The following GRM4 variants were observed in gnomAD, a reference collection of about 807,000 sequenced individuals.
GRM4 encodes glutamate metabotropic receptor 4, also known as metabotropic glutamate receptor 4.
Under a neutral mutation model 81.7 loss-of-function variants are expected in GRM4, and 28 were observed. The ratio of observed to expected loss-of-function variants is 0.34; its 90% CI spans 0.25 to 0.47. The LOEUF is 0.47. GRM4 is among the 20% of genes least tolerant of loss of function. GRM4 has a pLI of 1.00. For synonymous variants in GRM4, 488 were observed against 528.8 expected (o/e 0.92, Z 1.06); for missense variants, 948 against 1,290.0 (o/e 0.73, Z 4.06).
rs138584065 is a variant in GRM4, at chr6:34,092,488, T to C, written c.520-389A>G. On this transcript the variant is annotated intron_variant, in intron 2 of 10. Coordinates refer to ENST00000538487, the MANE Select transcript of GRM4 (RefSeq NM_000841.4). This position sits in a 1 kb window ranked among gnomAD's most constrained non-coding sequence, Gnocchi z 6.8. ...TGTTGGGAGGGGCCCTGAGGGGTCA[T>C]GTGGCCCATCCCATGTCCCCAGGCA... Among the ~76,000 whole-genome samples, 1,265 of 152,184 alleles carry C rather than the reference T, an allele frequency of 8.3e-3. 21 individuals carry two copies. Among genetic ancestry groups the C allele is most frequent in the African/African-American group, 0.029 (1,199 of 41,486 alleles).
At chr6:34,145,235 C>A (rs1449316247) in intron 1 of GRM4, among the ~76,000 whole-genome samples, 1 of 151,538 alleles carries the variant, frequency 6.6e-6, no homozygotes, top group Non-Finnish European at 1.5e-5. Flanking sequence ...GCGGACCCAG[C>A]GCGCCGCGGA....
intron 2 of GRM4, among the ~76,000 whole-genome samples, chr6:34,129,045 C>T (rs1037055136): frequency 1.3e-5 from 2 of 150,746 alleles, no homozygotes; most frequent in Admixed American, 6.6e-5. Flanking sequence ...GATGGAGTCT[C>T]ACTCTGTCAC....
chr6:34,125,426 C>T (rs946435787), intron 2 of GRM4, among the ~76,000 whole-genome samples: 1 of 152,172 alleles, frequency 6.6e-6, no homozygotes, highest in South Asian at 2.1e-4. Flanking sequence ...GGACTCGAGG[C>T]ATCTGGGTCA....
In GRM4 at chr6:34,028,006, C is replaced by G; in HGVS notation, c.2689+114G>C. The G allele has an allele frequency of 2.4e-6, 3 of 1,236,092 alleles. No homozygotes were observed. The South Asian group carries it at 4.5e-5, about 19-fold the overall frequency. The allele number at this position is 1,236,092 out of a possible 1,614,324, so 76.6% of individuals were successfully genotyped here. A position where few individuals can be genotyped will look rare whatever the true frequency, so the allele number is the denominator to read the frequency against. ...TCCCCCAGTGTCCCCCGCCGCCTCCCCAGGATGGGGCATCGGGGCAGGGCG... is the reference window on the plus strand; with the variant it reads ...TCCCCCAGTGTCCCCCGCCGCCTCCGCAGGATGGGGCATCGGGGCAGGGCG... On this transcript the variant is annotated intron_variant, in intron 10 of 10. Coordinates refer to ENST00000538487, the MANE Select transcript of GRM4 (RefSeq NM_000841.4).
At chr6:34,104,113 C>T (rs1768997804) in intron 2 of GRM4, among the ~76,000 whole-genome samples, 1 of 152,262 alleles carries the variant, frequency 6.6e-6, no homozygotes, top group African/African-American at 2.4e-5. Context: ...AGCCAGGCTT[C>T]CTCTGTGCCA....
At chr6:34,110,925 A>C in intron 2 of GRM4, 2 of 1,073,164 alleles carry the variant, frequency 1.9e-6, no homozygotes, top group Non-Finnish European at 1.2e-6. Flanking sequence ...AAGAGCCCAC[A>C]AGGAACAGCC....
intron 2 of GRM4, chr6:34,103,786 T>C (rs1428464190): frequency 1.4e-6 from 2 of 1,448,326 alleles, no homozygotes; most frequent in East Asian, 5.0e-5. Context: ...GTCACCTCCT[T>C]TGTGAGCCTC....
rs749723451 is a variant in GRM4 at position 34,091,867 on chromosome 6, C to T, written c.736+16G>A. 1.3e-6 allele frequency: 2 copies of T among 1,584,232 alleles called. No homozygotes were observed. The highest frequency in any genetic ancestry group is 1.7e-6 in the Non-Finnish European group (2 of 1,155,370). On this transcript the variant is annotated intron_variant, in intron 3 of 10. Coordinates refer to ENST00000538487, the MANE Select transcript of GRM4 (RefSeq NM_000841.4). Reference sequence around the variant, plus strand: ...CCCGAGCCTGGCATGACTCTGCGGCCAGGCGTTTGACTCACCGTCCTCACG... The same window carrying T: ...CCCGAGCCTGGCATGACTCTGCGGCTAGGCGTTTGACTCACCGTCCTCACG...
At position 34,059,045 on chromosome 6, in the gene GRM4, G is replaced by A; in HGVS notation, c.956C>T (p.Ala319Val). 1 of 1,613,750 alleles carries A rather than the reference G, an allele frequency of 6.2e-7. No individual in the cohort carries two copies. The highest frequency in any genetic ancestry group is 1.1e-5 in the South Asian group (1 of 91,054). Reference sequence around the variant, plus strand: ...CACCTCCTCCAGGTGCAGCACAGGTGCAATCTTGGAGCCCCAGCTGTCAGA... The same window carrying A: ...CACCTCCTCCAGGTGCAGCACAGGTACAATCTTGGAGCCCCAGCTGTCAGA... The part of the protein sequence containing the change: ...MGSDSWGSKI[A>V]PVLHLEEVAE... Residue 319 changes from alanine to valine, a missense_variant, in exon 5 of 11, where the codon GCA (alanine) becomes GTA (valine). Physicochemically the swap from Ala to Val is moderately conservative, Grantham distance 64 (BLOSUM62 0). Coordinates refer to ENST00000538487, the MANE Select transcript of GRM4 (RefSeq NM_000841.4). This position sits in a 1 kb window ranked among gnomAD's most constrained non-coding sequence, Gnocchi z 5.7.
rs548425109 is a variant in GRM4 at position 34,068,691 on chromosome 6, C to T, written c.737-6663G>A. Among the ~76,000 whole-genome samples, 1 of 152,326 alleles carries T rather than the reference C, an allele frequency of 6.6e-6. No individual in the cohort carries two copies. The highest frequency in any genetic ancestry group is 2.1e-4 in the South Asian group (1 of 4,826). On this transcript the variant is annotated intron_variant, in intron 3 of 10. Transcript: ENST00000538487. The surrounding 1 kb of genome is among the most constrained non-coding windows in gnomAD (Gnocchi z 4.2). ...GGGCGGGCTGAAAGGAAAGGCCTCC[C>T]GTAAGAGGAGCCGGCTTGTGCCCTG...
intron 3 of GRM4, among the ~76,000 whole-genome samples, chr6:34,072,677 CACA>C (rs1767003682): frequency 6.8e-6 from 1 of 147,080 alleles, no homozygotes; most frequent in Admixed American, 6.8e-5. Flanking sequence ...ACACCACACA[CACA>C]CACATCACCA....
At chr6:34,108,304 A>G (rs1490174025) in intron 2 of GRM4, among the ~76,000 whole-genome samples, 1 of 152,262 alleles carries the variant, frequency 6.6e-6, no homozygotes, top group Non-Finnish European at 1.5e-5. Flanking sequence ...ACAGCTCTCA[A>G]GCACTTATGA....
chr6:34,150,322 T>A (rs1422860357), upstream of GRM4, among the ~76,000 whole-genome samples: 2 of 151,926 alleles, frequency 1.3e-5, no homozygotes, highest in Non-Finnish European at 2.9e-5. Flanking sequence ...TATGATAGAG[T>A]ACATTTGGCA....
Position 34,022,538 on chromosome 6 carries a change from C to T in GRM4, c.*283G>A, listed in dbSNP as rs960639502. 5.9e-6 allele frequency: 3 copies of T among 505,766 alleles called. No homozygotes were observed. The highest frequency in any genetic ancestry group is 3.6e-6 in the Non-Finnish European group (1 of 279,316). The allele number at this position is 505,766 out of a possible 1,614,324, so 31.3% of individuals were successfully genotyped here. Reference sequence around the variant, plus strand: ...GAGAGATCTAGCACTGGGGCCCACACGACCTGAGCCCCTGTGGTTTGGGGC... The same window carrying T: ...GAGAGATCTAGCACTGGGGCCCACATGACCTGAGCCCCTGTGGTTTGGGGC... On this transcript the variant is annotated 3_prime_UTR_variant, in exon 11 of 11. Transcript: ENST00000538487. The surrounding 1 kb of genome is among the most constrained non-coding windows in gnomAD (Gnocchi z 5.6).
chr6:34,039,698 G>A (rs921169768), intron 8 of GRM4, among the ~76,000 whole-genome samples: 7 of 152,108 alleles, frequency 4.6e-5, no homozygotes, highest in Admixed American at 2.0e-4. Flanking sequence ...CTGGCAACTG[G>A]CTCACTACCC....
chr6:34,040,287 T>A lies in GRM4; in HGVS notation c.1397A>T (p.Asn466Ile). The A allele has an allele frequency of 6.2e-7, 1 of 1,614,212 alleles. No individual in the cohort carries two copies. The highest frequency in any genetic ancestry group is 2.2e-5 in the East Asian group (1 of 44,888). The change falls in exon 8 of 11, where the codon AAT becomes ATT. Residue 466 changes from asparagine to isoleucine, a missense_variant. Physicochemically the swap from Asn to Ile is moderately radical, Grantham distance 149. Coordinates refer to ENST00000538487, the MANE Select transcript of GRM4 (RefSeq NM_000841.4). ...SGIAGNPVTF[N>I]ENGDAPGRYD... ...GCGCCCAGGCGCATCTCCATTCTCA[T>A]TGAAGGTCACAGGGTTCCCTGCGAT...
In GRM4 at chr6:34,034,947, G is replaced by T. The variant is rs552367372; in HGVS notation, c.2442+721C>A. ...CTCTTGGGGTGTGCCCAGGTCCTCGGACCAAGCCAACAGGAGGCAGAGGTA... is the reference window on the plus strand; with the variant it reads ...CTCTTGGGGTGTGCCCAGGTCCTCGTACCAAGCCAACAGGAGGCAGAGGTA... On this transcript the variant is annotated intron_variant, in intron 9 of 10. Coordinates refer to ENST00000538487, the MANE Select transcript of GRM4 (RefSeq NM_000841.4). This position sits in a 1 kb window ranked among gnomAD's most constrained non-coding sequence, Gnocchi z 4.0. Among the ~76,000 whole-genome samples the T allele has an allele frequency of 2.0e-5, 3 of 152,298 alleles. No individual in the cohort carries two copies. In the South Asian group the frequency reaches 6.2e-4, roughly 32 times the overall value.
At chr6:34,128,788 G>A (rs1481697213) in intron 2 of GRM4, among the ~76,000 whole-genome samples, 1 of 152,140 alleles carries the variant, frequency 6.6e-6, no homozygotes, top group Non-Finnish European at 1.5e-5. Context: ...TTGCCAGGGT[G>A]GTCAGACCTC....
At chr6:34,024,559 A>G (rs940579867) in intron 10 of GRM4, 2 of 428,134 alleles carry the variant, frequency 4.7e-6, no homozygotes, top group Non-Finnish European at 9.5e-6. Flanking sequence ...CTATCAGTCT[A>G]TCACATGTGG....
Sources: allele counts gnomAD v4.1 joint callset (sites outside exome capture counted in the v4.1 genomes callset), GRCh38; gene constraint gnomAD v4.1.1; non-coding constraint Gnocchi (gnomAD v3.1); transcripts MANE v1.5; gene names NCBI Gene and HGNC (gene_info 2026-07-23, HGNC 2026-07-21).